Variants in VPS8 observed in about 807,000 individuals in gnomAD.
The protein encoded by VPS8 is vacuolar protein sorting-associated protein 8 homolog.
In VPS8, 129 loss-of-function variants were observed where a neutral mutation model predicts 216.4. The ratio of observed to expected loss-of-function variants is 0.60; its 90% CI spans 0.52 to 0.69. VPS8 has a LOEUF of 0.69. Ranked by LOEUF, VPS8 falls within the 30% of genes least tolerant of loss-of-function variation. VPS8 has a pLI of 0.00. For missense variants in VPS8, 1,531 were observed against 1,683.5 expected, an observed-to-expected ratio of 0.91 and a Z score of 1.59; for synonymous variants, 571 against 565.4, an observed-to-expected ratio of 1.01 and a Z score of -0.14.
chr3:184,882,420 C>T (rs1459234930), intron 21 of VPS8: 1 of 454,014 alleles, frequency 2.2e-6, no homozygotes, highest in African/African-American at 2.0e-5. Flanking sequence ...GAATAAACCT[C>T]ACTTGGTCAT....
At chr3:185,007,324 C>A (rs565734276) in intron 45 of VPS8, among the ~76,000 whole-genome samples, 2 of 152,170 alleles carry the variant, frequency 1.3e-5, no homozygotes, top group Admixed American at 6.5e-5. Context: ...AGTATATTTT[C>A]TCAAGAACAT....
chr3:185,030,929 AT>A (rs986408165), intron 46 of VPS8, among the ~76,000 whole-genome samples: 84 of 145,878 alleles, frequency 5.8e-4, no homozygotes, highest in Non-Finnish European at 4.4e-4. Flanking sequence ...TGCCTGGCTG[AT>A]TTTTTTTTTT....
chr3:184,853,387 G>T (rs1190095304), intron 11 of VPS8, among the ~76,000 whole-genome samples: 1 of 152,224 alleles, frequency 6.6e-6, no homozygotes, highest in Admixed American at 6.5e-5. Flanking sequence ...GCCTTTCTCA[G>T]AAGGGGCAAC....
chr3:185,045,173 G>GAAATTTGAGGAAGCGCC (rs376530454), intron 46 of VPS8, among the ~76,000 whole-genome samples: 1 of 151,426 alleles, frequency 6.6e-6, no homozygotes, highest in African/African-American at 2.4e-5. Context: ...ATTGCCACCA[G>GAAATTTGAGGAAGCGCC]TGTCAATACA....
chr3:184,882,751 A>G (rs1730494883), intron 21 of VPS8, among the ~76,000 whole-genome samples: 1 of 152,098 alleles, frequency 6.6e-6, no homozygotes, highest in African/African-American at 2.4e-5. Flanking sequence ...CTATAGGGGT[A>G]TTCAAATGAG....
At chr3:184,850,296 C>A (rs1724005011) in intron 10 of VPS8, among the ~76,000 whole-genome samples, 1 of 152,156 alleles carries the variant, frequency 6.6e-6, no homozygotes, top group Non-Finnish European at 1.5e-5. Context: ...GCAAAAAGGG[C>A]AAATTGGTGT....
rs541230872 is a variant in VPS8, at chr3:184,902,111, GCC to G, written c.2146+1149_2146+1150del. 9.9e-4 allele frequency among the ~76,000 whole-genome samples: 139 copies of G among 139,940 alleles called. 3 individuals are homozygous for G. The East Asian group carries it at 0.024, about 24-fold the overall frequency. The allele number at this position is 139,940 out of a possible 152,430, so 91.8% of individuals were successfully genotyped here. A position where few individuals can be genotyped will look rare whatever the true frequency, so the allele number is the denominator to read the frequency against. ...CTTTTGTGAATTGTTTAAATATTTA[GCC>G]CCCCCCCCCTTTTTTTTTTTTAATT... On this transcript the variant is annotated intron_variant, in intron 25 of 47. Coordinates refer to ENST00000625842, the MANE Select transcript of VPS8 (RefSeq NM_001009921.3).
chr3:184,970,880 A>G (rs77920190), intron 39 of VPS8, among the ~76,000 whole-genome samples: 2,026 of 152,282 alleles, frequency 0.013, 43 homozygotes, highest in African/African-American at 0.046. Flanking sequence ...ACCAGGGTAA[A>G]AGTTGTGGTC....
chr3:185,045,697 G>A (rs1464900678), intron 46 of VPS8, among the ~76,000 whole-genome samples: 1 of 150,250 alleles, frequency 6.7e-6, no homozygotes, highest in East Asian at 2.0e-4. Context: ...AACCTGGGAC[G>A]CTGAGGTTTC....
chr3:184,904,466 T>C (rs1010294158), intron 25 of VPS8, among the ~76,000 whole-genome samples: 6 of 152,210 alleles, frequency 3.9e-5, no homozygotes, highest in African/African-American at 1.4e-4. Flanking sequence ...CTTGTGGGTT[T>C]TGTCCTTTAT....
intron 25 of VPS8, 106 bp from the exon 26 acceptor site, chr3:184,913,413 C>A (rs1427652438): frequency 1.1e-6 from 1 of 947,164 alleles, no homozygotes; most frequent in Non-Finnish European, 1.6e-6. Flanking sequence ...AATATACTTA[C>A]CTCACCTTAA....
In VPS8 at chr3:184,870,699, G is replaced by C; in HGVS notation, c.1645-17G>C. On this transcript the variant is annotated splice_polypyrimidine_tract_variant and intron_variant, in intron 20 of 47. Coordinates refer to ENST00000625842, the MANE Select transcript of VPS8 (RefSeq NM_001009921.3). ...GAGATATATTTTAATGTCTATGCCA[G>C]GCTGTTTTCCTTACAGATGGTAGAA... is the stretch of plus-strand genomic sequence containing the variant. The C allele has an allele frequency of 6.3e-7, 1 of 1,596,656 alleles. No homozygotes were observed. The highest frequency in any genetic ancestry group is 8.6e-7 in the Non-Finnish European group (1 of 1,167,924).
At chr3:184,929,419 G>A (rs751494789) in intron 32 of VPS8, among the ~76,000 whole-genome samples, 161 bp from the exon 33 acceptor site, 21 of 152,020 alleles carry the variant, frequency 1.4e-4, no homozygotes, top group Non-Finnish European at 1.8e-4. Flanking sequence ...CAAACTCCTG[G>A]TCTCAAGCAG....
At chr3:185,030,585 G>T (rs1005524828) in intron 46 of VPS8, among the ~76,000 whole-genome samples, 7 of 152,156 alleles carry the variant, frequency 4.6e-5, no homozygotes, top group African/African-American at 1.7e-4. Context: ...TAAATATTCC[G>T]CAAGCCTGTT....
intron 40 of VPS8, among the ~76,000 whole-genome samples, chr3:184,973,060 G>A (rs982841022): frequency 2.0e-5 from 3 of 152,116 alleles, no homozygotes; most frequent in African/African-American, 7.2e-5. Context: ...ATTATGAAAC[G>A]TCTTTAGAAT....
At chr3:184,935,380 C>T (rs930666322) in intron 34 of VPS8, among the ~76,000 whole-genome samples, 2 of 152,112 alleles carry the variant, frequency 1.3e-5, no homozygotes, top group African/African-American at 4.8e-5. Context: ...GTTATGTAAA[C>T]TACAGTTATT....
intron 15 of VPS8, among the ~76,000 whole-genome samples, chr3:184,862,631 G>A (rs978274071): frequency 6.6e-6 from 1 of 152,114 alleles, no homozygotes; most frequent in African/African-American, 2.4e-5. Flanking sequence ...TATAAAAAAC[G>A]ATATGCTCTA....
intron 28 of VPS8, among the ~76,000 whole-genome samples, chr3:184,919,324 C>T (rs905108439): frequency 6.6e-6 from 1 of 152,150 alleles, no homozygotes; most frequent in African/African-American, 2.4e-5. Flanking sequence ...TTCTCAGAAT[C>T]AAATGAACTA....
Position 185,036,991 on chromosome 3 carries a change from TAA to T in VPS8, c.4057-11487_4057-11486del, listed in dbSNP as rs149623171. Among the ~76,000 whole-genome samples the T allele has an allele frequency of 6.6e-3, 998 of 151,994 alleles. 12 individuals are homozygous for T. Among genetic ancestry groups the T allele is most frequent in the African/African-American group, 0.023 (961 of 41,496 alleles). On this transcript the variant is annotated intron_variant, in intron 46 of 47. Transcript: ENST00000625842. ...CATTTTATATGACTGCTTTTTAAAA[TAA>T]GTTATTAAAAGAAAAAAGCAAATAT... is the stretch of plus-strand genomic sequence containing the variant.
Sources: gnomAD v4.1 joint callset for allele counts (sites outside exome capture counted in the v4.1 genomes callset) on GRCh38, gnomAD v4.1.1 for gene constraint, MANE v1.5 for transcripts, NCBI Gene and HGNC (gene_info 2026-07-23, HGNC 2026-07-21) for gene names.